GSTA3: variants seen among roughly 807,000 people sequenced by gnomAD.
GSTA3 encodes glutathione S-transferase alpha 3, also known as glutathione S-transferase A3.
Under a neutral mutation model 23.1 loss-of-function variants are expected in GSTA3, and 16 were observed. The ratio of observed to expected loss-of-function variants is 0.69; its 90% CI spans 0.47 to 1.05. The LOEUF (loss-of-function observed/expected upper bound fraction) is 1.05, where lower values mean the gene tolerates loss of function less well. GSTA3 is among the 50% of genes least tolerant of loss of function. The pLI is 0.00. For synonymous variants in GSTA3, 122 were observed against 91.0 expected (o/e 1.34, Z -1.94); for missense variants, 319 against 263.6 (o/e 1.21, Z -1.46).
intron 3 of GSTA3, among the ~76,000 whole-genome samples, chr6:52,903,124 G>C (rs887638729): frequency 6.6e-6 from 1 of 152,108 alleles, no homozygotes; most frequent in Admixed American, 6.5e-5. Flanking sequence ...CATTCTCAGG[G>C]CACTGGGGAT....
chr6:52,899,866 T>C, intron 5 of GSTA3, 68 bp downstream of exon 5: 1 of 1,466,836 alleles, frequency 6.8e-7, no homozygotes, highest in Admixed American at 1.7e-5. Flanking sequence ...GCCCCAGGAA[T>C]GCCCAGCCAC....
rs777131271 is a variant in GSTA3, at chr6:52,903,659, T to TA, written c.139+16dup. ...ACTAGATACCCTCATCAGAGGCACT[T>TA]AGAGACTTGATCTTACCATTTCTTA... is the stretch of plus-strand genomic sequence containing the variant. On this transcript the variant is annotated intron_variant, in intron 3 of 6. Transcript: ENST00000211122. 116 of 1,430,514 alleles carry TA rather than the reference T, an allele frequency of 8.1e-5. No homozygotes were observed. The highest frequency in any genetic ancestry group is 1.1e-4 in the Non-Finnish European group (107 of 1,014,358). 88.6% of individuals were successfully genotyped at this position (1,430,514 alleles called of 1,614,324 possible). A position where few individuals can be genotyped will look rare whatever the true frequency, so the allele number is the denominator to read the frequency against.
At chr6:52,900,242 G>A (rs902099606) in intron 4 of GSTA3, among the ~76,000 whole-genome samples, 167 bp from the exon 5 acceptor site, 7 of 149,262 alleles carry the variant, frequency 4.7e-5, no homozygotes, top group African/African-American at 4.9e-5. Context: ...GTATGTTGAC[G>A]TTTCCTTCTT....
At chr6:52,900,168 G>GT in intron 4 of GSTA3, 93 bp from the exon 5 acceptor site, 1 of 1,076,584 alleles carries the variant, frequency 9.3e-7, no homozygotes, top group South Asian at 1.7e-5. Context: ...TCAGATGGTG[G>GT]TAAGGTAATT....
At chr6:52,903,047 G>A (rs1366900590) in intron 3 of GSTA3, among the ~76,000 whole-genome samples, 1 of 152,168 alleles carries the variant, frequency 6.6e-6, no homozygotes, top group Admixed American at 6.5e-5. Flanking sequence ...GGGGAAGGCT[G>A]TGTGGGATCC....
chr6:52,903,204 G>A (rs1379176511), intron 3 of GSTA3, among the ~76,000 whole-genome samples: 1 of 151,928 alleles, frequency 6.6e-6, no homozygotes, highest in Non-Finnish European at 1.5e-5. Flanking sequence ...CCTGTTCAGG[G>A]AGCCACATCC....
chr6:52,899,357 C>A (rs1054233279), intron 5 of GSTA3, among the ~76,000 whole-genome samples: 10 of 152,142 alleles, frequency 6.6e-5, no homozygotes, highest in Non-Finnish European at 1.5e-4. Context: ...TGACTCCTAA[C>A]CTGCGCTGTT....
intron 1 of GSTA3, among the ~76,000 whole-genome samples, chr6:52,906,223 T>G (rs568907201): frequency 7.9e-5 from 12 of 152,242 alleles, no homozygotes; most frequent in Non-Finnish European, 1.6e-4. Context: ...CCCAAATTAT[T>G]GAGCTAGAAG....
Position 52,897,964 on chromosome 6 carries a change from A to T in GSTA3, c.415-8T>A, listed in dbSNP as rs975963010. 6.2e-6 allele frequency: 10 copies of T among 1,613,926 alleles called. No homozygotes were observed. Among genetic ancestry groups the T allele is most frequent in the Middle Eastern group, 1.7e-4 (1 of 6,060 alleles). On this transcript the variant is annotated splice_polypyrimidine_tract_variant and splice_region_variant and intron_variant, in intron 5 of 6. Coordinates refer to ENST00000211122, the MANE Select transcript of GSTA3 (RefSeq NM_000847.5). ...TCCATGGCTCTGTAACACCTGGAGA[A>T]TTTGAGGAATCAGATCAGGAATACA...
chr6:52,897,796 G>A (rs45437195), intron 6 of GSTA3, 29 bp downstream of exon 6: 2 of 1,612,216 alleles, frequency 1.2e-6, no homozygotes, highest in Non-Finnish European at 1.7e-6. Flanking sequence ...ATGTGGGGCT[G>A]TCTCTCTGAG....
intron 3 of GSTA3, among the ~76,000 whole-genome samples, chr6:52,903,399 A>G (rs45612535): frequency 8.0e-5 from 12 of 150,928 alleles, no homozygotes; most frequent in Admixed American, 2.7e-4. Flanking sequence ...CATCCTGGCT[A>G]ACACGATGAA....
chr6:52,908,169 T>G (rs1391309561), intron 1 of GSTA3, among the ~76,000 whole-genome samples: 1 of 151,240 alleles, frequency 6.6e-6, no homozygotes. Context: ...TTTTTTTTTT[T>G]TTTTGCCATT....
At chr6:52,901,120 A>T (rs919246201) in intron 4 of GSTA3, among the ~76,000 whole-genome samples, 36 of 152,362 alleles carry the variant, frequency 2.4e-4, no homozygotes, top group African/African-American at 8.2e-4. Flanking sequence ...CAACAGTTTC[A>T]TTGATGTATA....
chr6:52,899,242 G>A (rs966544784), intron 5 of GSTA3, among the ~76,000 whole-genome samples: 3 of 152,036 alleles, frequency 2.0e-5, no homozygotes, highest in Non-Finnish European at 4.4e-5. Context: ...AAAGTAGAAG[G>A]CAAAAAATTG....
chr6:52,903,738 A>T lies in GSTA3; in HGVS notation c.88-11T>A, dbSNP rs2127361209. 2 of 1,563,218 alleles carry T rather than the reference A, an allele frequency of 1.3e-6. No homozygotes were observed. Among genetic ancestry groups the T allele is most frequent in the South Asian group, 1.1e-5 (1 of 89,864 alleles). On this transcript the variant is annotated splice_polypyrimidine_tract_variant and intron_variant, in intron 2 of 6. Transcript: ENST00000211122. ...AAATTTCTCTTCAAACTGGAAGCAG[A>T]AACAGTAAATGGGTTCTTGTTAGTT...
At chr6:52,899,251 T>G (rs1222942940) in intron 5 of GSTA3, among the ~76,000 whole-genome samples, 1 of 152,132 alleles carries the variant, frequency 6.6e-6, no homozygotes, top group African/African-American at 2.4e-5. Flanking sequence ...GGCAAAAAAT[T>G]GAATATACTG....
chr6:52,896,969 C>G, intron 6 of GSTA3, 41 bp from the exon 7 acceptor site: 1 of 1,611,354 alleles, frequency 6.2e-7, no homozygotes, highest in Non-Finnish European at 8.5e-7. Flanking sequence ...AAGCCAAGGT[C>G]TGCCACCACC....
At chr6:52,905,944 G>A (rs898426428) in intron 1 of GSTA3, 89 bp from the exon 2 acceptor site, 1 of 597,114 alleles carries the variant, frequency 1.7e-6, no homozygotes. Context: ...TTGAACAACA[G>A]GAGTGTCTTC....
intron 4 of GSTA3, among the ~76,000 whole-genome samples, chr6:52,901,824 C>T (rs9474339): frequency 0.069 from 10,457 of 152,234 alleles, 696 homozygotes; most frequent in African/African-American, 0.18. Flanking sequence ...TGTTTCCAGG[C>T]AACCCCAGAG....
Sources: allele counts gnomAD v4.1 joint callset (sites outside exome capture counted in the v4.1 genomes callset), GRCh38; gene constraint gnomAD v4.1.1; transcripts MANE v1.5; gene names NCBI Gene and HGNC (gene_info 2026-07-23, HGNC 2026-07-21).